The following KHDRBS2 variants were observed in gnomAD, a reference collection of about 807,000 sequenced individuals.
KHDRBS2 encodes KH domain-containing, RNA-binding, signal transduction-associated protein 2.
KHDRBS2 carries 26 observed loss-of-function variants against 44.3 expected under a neutral mutation model. The observed-to-expected ratio is 0.59, with a 90% CI of 0.43 to 0.81. The LOEUF (loss-of-function observed/expected upper bound fraction) is 0.81, where lower values mean the gene tolerates loss of function less well. Among genes scored for constraint, KHDRBS2 ranks in the 40% least tolerant of loss-of-function variants. The pLI is 0.00. For missense variants in KHDRBS2, 476 were observed against 433.1 expected (o/e 1.10, Z -0.88); for synonymous variants, 194 against 151.1 (o/e 1.28, Z -2.08).
At chr6:61,561,267 C>T in the KHDRBS2 span, among the ~76,000 whole-genome samples, 4,355 of 152,154 alleles carry the variant, frequency 0.029, 209 homozygotes, top group African/African-American at 0.099. Context: ...GGGAGGAATG[C>T]CACAAGCACC....
intron 8 of KHDRBS2, 129 bp from the exon 9 acceptor site, chr6:61,681,189 T>C (rs563964675): frequency 1.6e-6 from 1 of 641,512 alleles, no homozygotes; most frequent in East Asian, 2.7e-5. Flanking sequence ...AAGCCTATTT[T>C]TTCCACATCG....
intron 2 of KHDRBS2, among the ~76,000 whole-genome samples, chr6:62,079,409 C>G (rs1441504661): frequency 1.3e-5 from 2 of 151,910 alleles, no homozygotes; most frequent in Non-Finnish European, 2.9e-5. Flanking sequence ...AGCCTGGAAT[C>G]AGGTTTCAGC....
chr6:61,619,957 C>A, the KHDRBS2 span, among the ~76,000 whole-genome samples: 2 of 152,004 alleles, frequency 1.3e-5, no homozygotes, highest in Non-Finnish European at 2.9e-5. Flanking sequence ...TGCATTAAGA[C>A]CTTCAGTCTG....
At chr6:61,722,789 A>T (rs1321209349) in intron 7 of KHDRBS2, among the ~76,000 whole-genome samples, 1 of 151,804 alleles carries the variant, frequency 6.6e-6, no homozygotes, top group East Asian at 1.9e-4. Context: ...GGCTCACTCT[A>T]AGCTCCGCCT....
rs10676797 is a variant in KHDRBS2 at position 61,905,854 on chromosome 6, C to CTTTT, written c.484-4487_484-4484dup. Among the ~76,000 whole-genome samples the CTTTT allele has an allele frequency of 3.3e-3, 380 of 114,170 alleles. 20 individuals are homozygous for CTTTT. The highest frequency in any genetic ancestry group is 8.8e-3 in the African/African-American group (257 of 29,368). 74.9% of individuals were successfully genotyped at this position (114,170 alleles called of 152,430 possible). The stretch of plus-strand genomic sequence containing the variant: ...AAAAAAAATATGGAACAAAACTTTT[C>CTTTT]TTTTTTTTTTTTTTTTTTTGAGATG... On this transcript the variant is annotated intron_variant, in intron 4 of 8. Transcript: ENST00000281156.
intron 3 of KHDRBS2, among the ~76,000 whole-genome samples, chr6:62,031,470 T>A (rs1315082555): frequency 6.6e-6 from 1 of 152,016 alleles, no homozygotes; most frequent in Middle Eastern, 3.2e-3. Context: ...AGGACTTGAA[T>A]CTTAACATGG....
intron 1 of KHDRBS2, among the ~76,000 whole-genome samples, chr6:62,225,738 C>T (rs1438041470): frequency 6.7e-6 from 1 of 150,340 alleles, no homozygotes; most frequent in Non-Finnish European, 1.5e-5. Flanking sequence ...CTCCCTTTGT[C>T]CATGTGTTCT....
chr6:61,593,132 T>C, the KHDRBS2 span, among the ~76,000 whole-genome samples: 1 of 152,194 alleles, frequency 6.6e-6, no homozygotes, highest in Non-Finnish European at 1.5e-5. Flanking sequence ...CTGACAGATG[T>C]TCTTAGGTTG....
chr6:61,816,080 A>T (rs1487108305), intron 6 of KHDRBS2, among the ~76,000 whole-genome samples: 3 of 152,124 alleles, frequency 2.0e-5, no homozygotes, highest in Non-Finnish European at 4.4e-5. Flanking sequence ...TATCCCTTAG[A>T]CTTCTATTTG....
chr6:61,610,092 C>T, the KHDRBS2 span, among the ~76,000 whole-genome samples: 9 of 151,948 alleles, frequency 5.9e-5, no homozygotes, highest in South Asian at 6.2e-4. Flanking sequence ...AGGAGAATGG[C>T]GTGAACCTAG....
chr6:62,285,078 C>T (rs1473500487), intron 1 of KHDRBS2, among the ~76,000 whole-genome samples: 4 of 151,990 alleles, frequency 2.6e-5, no homozygotes, highest in African/African-American at 7.3e-5. Context: ...ATTATTATAA[C>T]ATAAATGGAG....
chr6:61,913,790 T>C (rs1806471488), intron 4 of KHDRBS2, among the ~76,000 whole-genome samples: 1 of 152,016 alleles, frequency 6.6e-6, no homozygotes, highest in Non-Finnish European at 1.5e-5. Context: ...AAAAGGAGTC[T>C]GTCATGTGTG....
At chr6:61,543,565 C>G in the KHDRBS2 span, among the ~76,000 whole-genome samples, 1 of 151,888 alleles carries the variant, frequency 6.6e-6, no homozygotes. Flanking sequence ...AAAAACAGAG[C>G]TACCATATGA....
In KHDRBS2 at chr6:62,177,259, ACTT is replaced by A. The variant is rs1355519031; in HGVS notation, c.142_144del (p.Lys48del). ...TTTTTGTTGCTGATGACATCAAGAT[ACTT>A]CTTTTCTTCGTCTTCCTTTTTTCCA... On this transcript the variant is annotated inframe_deletion, in exon 2 of 9. Transcript: ENST00000281156. 2 of 1,600,788 alleles carry A rather than the reference ACTT, an allele frequency of 1.2e-6. No individual in the cohort carries two copies. Among genetic ancestry groups the A allele is most frequent in the African/African-American group, 1.3e-5 (1 of 74,514 alleles).
chr6:61,615,046 C>CAA, the KHDRBS2 span, among the ~76,000 whole-genome samples: 51 of 151,548 alleles, frequency 3.4e-4, no homozygotes, highest in African/African-American at 1.2e-3. Context: ...CCAGCCTGGC[C>CAA]AACAGGTTGA....
chr6:62,116,439 T>C (rs1806248729), intron 2 of KHDRBS2, among the ~76,000 whole-genome samples: 1 of 152,142 alleles, frequency 6.6e-6, no homozygotes, highest in African/African-American at 2.4e-5. Context: ...TATTTGTCTT[T>C]TTGTGCCTGG....
At chr6:61,741,243 G>GAA (rs200877679) in intron 6 of KHDRBS2, among the ~76,000 whole-genome samples, 3 of 148,568 alleles carry the variant, frequency 2.0e-5, no homozygotes, top group African/African-American at 7.4e-5. Context: ...GTTCTAAAAA[G>GAA]AAAAAAAAAT....
chr6:61,649,908 A>G, the KHDRBS2 span, among the ~76,000 whole-genome samples: 1 of 152,124 alleles, frequency 6.6e-6, no homozygotes, highest in Non-Finnish European at 1.5e-5. Flanking sequence ...TGAAACATGT[A>G]GAGATCATGC....
chr6:62,111,979 A>T (rs561074901), intron 2 of KHDRBS2, among the ~76,000 whole-genome samples: 1 of 152,120 alleles, frequency 6.6e-6, no homozygotes, highest in Non-Finnish European at 1.5e-5. Context: ...TGGATTTCTA[A>T]GTTTCCTGGT....
Sources: gnomAD v4.1 joint callset for allele counts (sites outside exome capture counted in the v4.1 genomes callset) on GRCh38, gnomAD v4.1.1 for gene constraint, MANE v1.5 for transcripts, NCBI Gene and HGNC (gene_info 2026-07-23, HGNC 2026-07-21) for gene names.